Variants in NCKAP5 observed in about 807,000 individuals in gnomAD.
The protein encoded by NCKAP5 is NCK associated protein 5.
Under a neutral mutation model 167.0 loss-of-function variants are expected in NCKAP5, and 92 were observed. That is an observed-to-expected ratio of 0.55 (90% CI 0.47 to 0.66). The LOEUF is 0.66. NCKAP5 is among the 30% of genes least tolerant of loss of function. The pLI is 0.00. For synonymous variants in NCKAP5, 891 were observed against 877.4 expected (o/e 1.02, Z -0.27); for missense variants, 2,378 against 2,315.0 (o/e 1.03, Z -0.56).
At chr2:132,937,527 T>C (rs984850595) in intron 8 of NCKAP5, among the ~76,000 whole-genome samples, 3 of 152,218 alleles carry the variant, frequency 2.0e-5, no homozygotes, top group African/African-American at 7.2e-5. Flanking sequence ...TATTGCTTTA[T>C]GTTCTCAGAG....
the NCKAP5 span, among the ~76,000 whole-genome samples, chr2:133,604,785 A>G: frequency 6.6e-6 from 1 of 152,108 alleles, no homozygotes; most frequent in Admixed American, 6.5e-5. Context: ...TAGGGCTAAG[A>G]CCGGCTTGGT....
intron 2 of NCKAP5, among the ~76,000 whole-genome samples, chr2:133,538,053 G>T (rs1685895150): frequency 6.6e-6 from 1 of 152,022 alleles, no homozygotes; most frequent in African/African-American, 2.4e-5. Flanking sequence ...CTTAATATTT[G>T]CATTTCATTC....
chr2:133,340,297 T>C (rs992035012), intron 3 of NCKAP5, among the ~76,000 whole-genome samples: 4 of 152,196 alleles, frequency 2.6e-5, no homozygotes, highest in East Asian at 1.9e-4. Flanking sequence ...ATTTTAGTAA[T>C]GAAAAGCAGC....
In NCKAP5 at chr2:133,415,740, G is replaced by A. The variant is rs192040812; in HGVS notation, c.69+101718C>T. 6.8e-4 allele frequency among the ~76,000 whole-genome samples: 104 copies of A among 152,308 alleles called. No homozygotes were observed. In the East Asian group the frequency reaches 0.014, roughly 21 times the overall value. On this transcript the variant is annotated intron_variant, in intron 3 of 19. Coordinates refer to ENST00000409261, the MANE Select transcript of NCKAP5 (RefSeq NM_207363.3). ...TGCTATTTTTATTTCTTATTCAAAT[G>A]CACTGTTGCAACCACACATCCCCTA...
At chr2:133,038,731 C>A (rs2079114804) in intron 6 of NCKAP5, among the ~76,000 whole-genome samples, 1 of 151,300 alleles carries the variant, frequency 6.6e-6, no homozygotes, top group Non-Finnish European at 1.5e-5. Flanking sequence ...CTGCATGTAA[C>A]CATAAATATT....
rs769938958 is a variant in NCKAP5, at chr2:132,731,976, G to C, written c.5204C>G (p.Thr1735Arg). 4 of 1,613,898 alleles carry C rather than the reference G, an allele frequency of 2.5e-6. No homozygotes were observed. Among genetic ancestry groups the C allele is most frequent in the Non-Finnish European group, 3.4e-6 (4 of 1,179,874 alleles). Reference protein sequence around the residue: ...FPLPDSGNRSTGRYLCQPDSP... With the variant: ...FPLPDSGNRSRGRYLCQPDSP... ...GTCTGGCTGGCATAGGTAGCGTCCTGTCGAGCGATTTCCCGAGTCTGGGAG... is the reference window on the plus strand; with the variant it reads ...GTCTGGCTGGCATAGGTAGCGTCCTCTCGAGCGATTTCCCGAGTCTGGGAG... The change falls in exon 17 of 20, where the codon ACA becomes AGA. Residue 1735 changes from threonine (T) to arginine (R), a missense_variant. By Grantham distance (71) the Thr-to-Arg change is moderately conservative. This residue lies in a region of NCKAP5 where 1,325 missense variants were observed against 1,274.5 expected (regional missense o/e 1.04). Coordinates refer to ENST00000409261, the MANE Select transcript of NCKAP5 (RefSeq NM_207363.3).
intron 6 of NCKAP5, among the ~76,000 whole-genome samples, chr2:133,001,215 CTTTT>C (rs56110206): frequency 7.4e-6 from 1 of 134,408 alleles, no homozygotes; most frequent in Non-Finnish European, 1.6e-5. Context: ...CTTTGACTTA[CTTTT>C]TTTTTTTTTT....
At chr2:132,827,224 A>G (rs977421209) in intron 11 of NCKAP5, among the ~76,000 whole-genome samples, 16 of 152,172 alleles carry the variant, frequency 1.1e-4, no homozygotes, top group Admixed American at 7.9e-4. Context: ...TTTTTAATTT[A>G]AAAAAGAGCA....
At chr2:133,265,729 G>C (rs2089168707) in intron 4 of NCKAP5, among the ~76,000 whole-genome samples, 1 of 152,126 alleles carries the variant, frequency 6.6e-6, no homozygotes, top group African/African-American at 2.4e-5. Context: ...GGGGAGGGGG[G>C]ATCGTGGCAT....
intron 5 of NCKAP5, among the ~76,000 whole-genome samples, chr2:133,155,480 T>C (rs1484565918): frequency 6.6e-6 from 1 of 152,268 alleles, no homozygotes; most frequent in East Asian, 1.9e-4. Context: ...CCTGGAAGGT[T>C]ACTGAGCTAC....
chr2:133,172,640 G>GTTTT (rs34818543), intron 5 of NCKAP5, among the ~76,000 whole-genome samples: 2 of 148,508 alleles, frequency 1.3e-5, no homozygotes, highest in Non-Finnish European at 3.0e-5. Flanking sequence ...CTGGCTAATC[G>GTTTT]TTTTTTTTTT....
chr2:133,542,200 T>A (rs1301960898), intron 2 of NCKAP5, among the ~76,000 whole-genome samples: 1 of 152,202 alleles, frequency 6.6e-6, no homozygotes, highest in African/African-American at 2.4e-5. Flanking sequence ...ACATGACGAA[T>A]GTCTATGACA....
At chr2:133,441,527 A>G (rs1339230815) in intron 3 of NCKAP5, among the ~76,000 whole-genome samples, 2 of 152,244 alleles carry the variant, frequency 1.3e-5, no homozygotes, top group Non-Finnish European at 2.9e-5. Context: ...ATTTACCAAG[A>G]AAGTCTAGGT....
rs987251747 is a variant in NCKAP5 at position 132,840,630 on chromosome 2, G to T, written c.807+19862C>A. On this transcript the variant is annotated intron_variant, in intron 11 of 19. Transcript: ENST00000409261. ...AATACTTGAGCTCACCACAATAGCA[G>T]CAGGAAGTGGCTGTTTAATTATTAC... Among the ~76,000 whole-genome samples, 39 of 152,090 alleles carry T rather than the reference G, an allele frequency of 2.6e-4. 1 individual carries two copies. The highest frequency in any genetic ancestry group is 1.7e-3 in the Admixed American group (26 of 15,262).
At position 132,773,804 on chromosome 2, in the gene NCKAP5, G is replaced by A; in HGVS notation, c.5128+12C>T. 2 of 1,599,366 alleles carry A rather than the reference G, an allele frequency of 1.3e-6. No individual in the cohort carries two copies. Among genetic ancestry groups the A allele is most frequent in the African/African-American group, 1.3e-5 (1 of 74,534 alleles). On this transcript the variant is annotated intron_variant, in intron 16 of 19. Transcript: ENST00000409261. ...GTCTCCATAAAAGACATATGAATATGTGAATTTTTACCTATGATGTGGCTC... is the reference window on the plus strand; with the variant it reads ...GTCTCCATAAAAGACATATGAATATATGAATTTTTACCTATGATGTGGCTC...
intron 4 of NCKAP5, among the ~76,000 whole-genome samples, chr2:133,223,317 C>T (rs987789885): frequency 5.3e-5 from 8 of 152,036 alleles, no homozygotes; most frequent in Non-Finnish European, 1.0e-4. Flanking sequence ...AATAAGAGCC[C>T]GGTGGCGATC....
intron 8 of NCKAP5, among the ~76,000 whole-genome samples, chr2:132,920,719 G>A (rs28620688): frequency 0.12 from 7,434 of 64,634 alleles, 1,170 homozygotes; most frequent in Admixed American, 0.32. Flanking sequence ...GTATATATAT[G>A]TATATATATA....
At chr2:133,631,000 C>G in the NCKAP5 span, among the ~76,000 whole-genome samples, 5 of 152,010 alleles carry the variant, frequency 3.3e-5, no homozygotes, top group Non-Finnish European at 5.9e-5. Flanking sequence ...TGTTAATAAA[C>G]TATAAACAAC....
chr2:133,158,778 A>T lies in NCKAP5; in HGVS notation c.208-28667T>A, dbSNP rs541981056. On this transcript the variant is annotated intron_variant, in intron 5 of 19. Coordinates refer to ENST00000409261, the MANE Select transcript of NCKAP5 (RefSeq NM_207363.3). ...TTAGCCACTGGTTCAATAACACAATATCATGCCTCATTGATTACCCATCAT... is the reference window on the plus strand; with the variant it reads ...TTAGCCACTGGTTCAATAACACAATTTCATGCCTCATTGATTACCCATCAT... Among the ~76,000 whole-genome samples the T allele has an allele frequency of 5.3e-5, 8 of 152,236 alleles. No individual in the cohort carries two copies. The East Asian group carries it at 7.8e-4, about 15-fold the overall frequency.
Sources: gnomAD v4.1 joint callset for allele counts (sites outside exome capture counted in the v4.1 genomes callset) on GRCh38, gnomAD v4.1.1 for gene constraint, gnomAD v4.1.1 regional missense constraint, MANE v1.5 for transcripts, NCBI Gene and HGNC (gene_info 2026-07-23, HGNC 2026-07-21) for gene names.